UGGT1: variants seen among roughly 807,000 people sequenced by gnomAD.
UGGT1 encodes the protein UDP-glucose:glycoprotein glucosyltransferase 1.
UGGT1 carries 107 observed loss-of-function variants against 203.9 expected under a neutral mutation model. The ratio of observed to expected loss-of-function variants is 0.52; its 90% CI spans 0.45 to 0.62. The LOEUF is 0.62. Among genes scored for constraint, UGGT1 ranks in the 20% least tolerant of loss-of-function variants. UGGT1 has a pLI of 0.00. For missense variants in UGGT1, 1,673 were observed against 1,867.2 expected (o/e 0.90, Z 1.92); for synonymous variants, 628 against 653.5 (o/e 0.96, Z 0.59).
chr2:128,181,106 TA>T lies in UGGT1; in HGVS notation c.4083+35del, dbSNP rs1466772556. On this transcript the variant is annotated intron_variant, in intron 36 of 40. Transcript: ENST00000259253. ...TTAAAGGCCAAGTTTTGACAGTTTG[TA>T]TTAAAAGCAACAAATTGCTTCTTTT... 5.1e-6 allele frequency: 8 copies of T among 1,570,232 alleles called. No homozygotes were observed. The Admixed American group carries it at 1.5e-4, about 30-fold the overall frequency.
At chr2:128,124,770 G>A (rs1688534490) in intron 11 of UGGT1, among the ~76,000 whole-genome samples, 1 of 151,748 alleles carries the variant, frequency 6.6e-6, no homozygotes, top group African/African-American at 2.4e-5. Flanking sequence ...TAATTTTCAG[G>A]GGTTTTTTTT....
chr2:128,178,952 G>A (rs906493332), intron 34 of UGGT1, among the ~76,000 whole-genome samples: 4 of 152,166 alleles, frequency 2.6e-5, no homozygotes, highest in African/African-American at 9.7e-5. Flanking sequence ...TTTAGAGCCA[G>A]GAGAGAGCTT....
chr2:128,173,315 A>G (rs1691209513), intron 29 of UGGT1, among the ~76,000 whole-genome samples: 1 of 152,222 alleles, frequency 6.6e-6, no homozygotes. Context: ...TTTGGTTGTT[A>G]TGAATAATGC....
At chr2:128,176,259 A>G (rs1208073349) in intron 31 of UGGT1, among the ~76,000 whole-genome samples, 1 of 152,124 alleles carries the variant, frequency 6.6e-6, no homozygotes. Context: ...ACTAAAATAC[A>G]AAAATTAGCC....
Position 128,127,225 on chromosome 2 carries a change from C to T in UGGT1, c.1135-136C>T, listed in dbSNP as rs528763233. The T allele has an allele frequency of 4.4e-5, 28 of 634,254 alleles. No homozygotes were observed. The East Asian group carries it at 7.8e-4, about 18-fold the overall frequency. The allele number at this position is 634,254 out of a possible 1,614,324, so 39.3% of individuals were successfully genotyped here. On this transcript the variant is annotated intron_variant, in intron 11 of 40. Transcript: ENST00000259253. ...TCCCCTGTCTTACTTGCCATTGAAT[C>T]CCAACAGCATCTTGAAGCAAATCTT...
intron 19 of UGGT1, among the ~76,000 whole-genome samples, chr2:128,154,955 T>C (rs143064125): frequency 6.6e-6 from 1 of 152,278 alleles, no homozygotes; most frequent in Admixed American, 6.5e-5. Context: ...AAATGAGTAA[T>C]GAGGATTGCC....
chr2:128,139,604 C>T (rs1689309217), intron 16 of UGGT1, among the ~76,000 whole-genome samples: 1 of 152,104 alleles, frequency 6.6e-6, no homozygotes, highest in Non-Finnish European at 1.5e-5. Context: ...AGGCTTGTAA[C>T]ACTTGGTTGG....
intron 19 of UGGT1, among the ~76,000 whole-genome samples, chr2:128,154,326 AG>A (rs1690124486): frequency 6.6e-6 from 1 of 152,206 alleles, no homozygotes; most frequent in South Asian, 2.1e-4. Flanking sequence ...GGAACATAAT[AG>A]CGGTTTTGTT....
chr2:128,175,743 C>T (rs1430445872), intron 31 of UGGT1, among the ~76,000 whole-genome samples: 1 of 152,224 alleles, frequency 6.6e-6, no homozygotes. Context: ...CTGGCCCTTG[C>T]CAGCCCTCCC....
chr2:128,116,557 C>T (rs930964820), intron 8 of UGGT1, among the ~76,000 whole-genome samples: 16 of 151,954 alleles, frequency 1.1e-4, no homozygotes, highest in Non-Finnish European at 1.5e-4. Context: ...GACAGGGTCT[C>T]GCTGTGTCGC....
intron 23 of UGGT1, among the ~76,000 whole-genome samples, chr2:128,160,062 C>G (rs1690449708): frequency 6.6e-6 from 1 of 152,056 alleles, no homozygotes; most frequent in South Asian, 2.1e-4. Context: ...CAGAATAAGC[C>G]TGTGTTTATT....
intron 6 of UGGT1, 30 bp downstream of exon 6, chr2:128,113,288 T>C (rs1354890139): frequency 6.5e-7 from 1 of 1,527,372 alleles, no homozygotes; most frequent in South Asian, 1.3e-5. Context: ...ACACCTGTTT[T>C]GAATGTAATT....
At position 128,091,236 on chromosome 2, in the gene UGGT1, C is replaced by T. The variant is rs1573474096; in HGVS notation, c.-122C>T. On this transcript the variant is annotated 5_prime_UTR_variant, in exon 1 of 41. Coordinates refer to ENST00000259253, the MANE Select transcript of UGGT1 (RefSeq NM_020120.4). ...TGCTTTGCGAGGCTGGGTGTTGAGT[C>T]GAGCCGCGGGAAAGGCGCGTGTCGG... The T allele has an allele frequency of 5.2e-5, 59 of 1,135,166 alleles. No individual in the cohort carries two copies. In the South Asian group the frequency reaches 7.9e-4, roughly 15 times the overall value. 70.3% of individuals were successfully genotyped at this position (1,135,166 alleles called of 1,614,324 possible).
Position 128,187,443 on chromosome 2 carries a change from TCA to T in UGGT1, c.4477-3_4477-2del. The T allele has an allele frequency of 6.2e-7, 1 of 1,611,844 alleles. No homozygotes were observed. Among genetic ancestry groups the T allele is most frequent in the Admixed American group, 1.7e-5 (1 of 59,796 alleles). On this transcript the variant is annotated splice_polypyrimidine_tract_variant and splice_region_variant and intron_variant, in intron 39 of 40. Transcript: ENST00000259253. Reference sequence around the variant, plus strand: ...TCAGCTGAAGTGTGTTCTTTTGGTTTCACAGTGTAATAATCCGATGACCAAAG... The same window carrying T: ...TCAGCTGAAGTGTGTTCTTTTGGTTTCAGTGTAATAATCCGATGACCAAAG...
At chr2:128,176,066 C>A (rs2104798953) in intron 31 of UGGT1, among the ~76,000 whole-genome samples, 1 of 152,290 alleles carries the variant, frequency 6.6e-6, no homozygotes, top group African/African-American at 2.4e-5. Flanking sequence ...CTGATTGTTG[C>A]CTCCGGCAGA....
At chr2:128,102,178 T>C (rs2105343762) in intron 2 of UGGT1, among the ~76,000 whole-genome samples, 1 of 152,250 alleles carries the variant, frequency 6.6e-6, no homozygotes, top group Admixed American at 6.5e-5. Context: ...GTTTCACTCT[T>C]GTTGCCCAGG....
rs539285340 is a variant in UGGT1, at chr2:128,111,196, T to C, written c.521+1450T>C. Among the ~76,000 whole-genome samples the C allele has an allele frequency of 7.2e-5, 11 of 152,188 alleles. No homozygotes were observed. The South Asian group carries it at 1.9e-3, about 26-fold the overall frequency. On this transcript the variant is annotated intron_variant, in intron 5 of 40. Transcript: ENST00000259253. ...AGTGAGACCCAGTTTCTCCAAAAAG[T>C]AGCTGGGTGTGGTGGCAGTAACCAC... is the stretch of plus-strand genomic sequence containing the variant.
chr2:128,107,895 C>G (rs771537333), intron 3 of UGGT1, 43 bp from the exon 4 acceptor site: 8 of 1,612,242 alleles, frequency 5.0e-6, no homozygotes, highest in Non-Finnish European at 5.9e-6. Context: ...TTAGATATCT[C>G]TAGTCATACG....
intron 8 of UGGT1, among the ~76,000 whole-genome samples, chr2:128,117,235 A>G (rs1009243516): frequency 1.3e-5 from 2 of 151,828 alleles, no homozygotes; most frequent in Non-Finnish European, 2.9e-5. Flanking sequence ...GATTACAGGC[A>G]CCCATCACCA....
Sources: gnomAD v4.1 joint callset for allele counts (sites outside exome capture counted in the v4.1 genomes callset) on GRCh38, gnomAD v4.1.1 for gene constraint, MANE v1.5 for transcripts, NCBI Gene and HGNC (gene_info 2026-07-23, HGNC 2026-07-21) for gene names.